The following VOPP1 variants were observed in gnomAD, a reference collection of about 807,000 sequenced individuals.
VOPP1 encodes the protein WW domain binding protein VOPP1.
VOPP1 carries 8 observed loss-of-function variants against 23.5 expected under a neutral mutation model. The ratio of observed to expected loss-of-function variants is 0.34; its 90% confidence interval spans 0.20 to 0.61. The LOEUF (loss-of-function observed/expected upper bound fraction) is 0.61, where lower values mean the gene tolerates loss of function less well. Ranked by LOEUF, VOPP1 falls within the 20% of genes least tolerant of loss-of-function variation. The pLI is 0.78. For missense variants in VOPP1, 174 were observed against 238.1 expected (o/e 0.73, Z 1.77); for synonymous variants, 83 against 97.3 (o/e 0.85, Z 0.86).
chr7:55,458,725 ATAT>A (rs1407560499), intron 4 of VOPP1, among the ~76,000 whole-genome samples: 21 of 152,086 alleles, frequency 1.4e-4, no homozygotes, highest in African/African-American at 5.1e-4. Flanking sequence ...AATACTACTA[ATAT>A]TATATTCTGA....
chr7:55,439,692 G>T (rs780386963), intron 4 of VOPP1, among the ~76,000 whole-genome samples: 1 of 152,228 alleles, frequency 6.6e-6, no homozygotes, highest in African/African-American at 2.4e-5. Context: ...AACAGACACC[G>T]GTTGGCACAG....
downstream of VOPP1, among the ~76,000 whole-genome samples, chr7:55,470,384 A>C (rs1217239108): frequency 1.3e-5 from 2 of 152,208 alleles, no homozygotes; most frequent in Non-Finnish European, 2.9e-5. Flanking sequence ...CAGTATCAAC[A>C]GTACATTACT....
At position 55,472,843 on chromosome 7, in the gene VOPP1, G is replaced by A. The variant is rs1458774747; in HGVS notation, c.*12C>T. 1.7e-5 allele frequency: 19 copies of A among 1,132,096 alleles called. No homozygotes were observed. Among genetic ancestry groups the A allele is most frequent in the East Asian group, 6.4e-5 (2 of 31,360 alleles). 70.1% of individuals were successfully genotyped at this position (1,132,096 alleles called of 1,614,324 possible). A position where few individuals can be genotyped will look rare whatever the true frequency, so the allele number is the denominator to read the frequency against. ...CCCTCTCCTGTCTCTCCTCTTGCAC[G>A]TGGGCACCCCACTACTTGGCCTTCA... On this transcript the variant is annotated 3_prime_UTR_variant, in exon 5 of 5. Coordinates refer to ENST00000285279, the MANE Select transcript of VOPP1 (RefSeq NM_030796.5).
intron 1 of VOPP1, chr7:55,552,860 C>A: frequency 7.1e-7 from 1 of 1,400,958 alleles, no homozygotes; most frequent in Non-Finnish European, 9.3e-7. Flanking sequence ...TATGGCAACA[C>A]AACAGGATTT....
At chr7:55,460,908 T>C (rs1046999832) in intron 4 of VOPP1, among the ~76,000 whole-genome samples, 2 of 152,158 alleles carry the variant, frequency 1.3e-5, no homozygotes, top group African/African-American at 4.8e-5. Context: ...ACCATATAGT[T>C]GGGTTATTTT....
chr7:55,475,201 C>T (rs1251317650), intron 4 of VOPP1, among the ~76,000 whole-genome samples: 5 of 152,156 alleles, frequency 3.3e-5, no homozygotes, highest in African/African-American at 7.2e-5. Context: ...AGAGAACTTT[C>T]GGGGAGAACA....
chr7:55,559,597 T>C (rs1219682307), intron 1 of VOPP1, among the ~76,000 whole-genome samples: 3 of 152,264 alleles, frequency 2.0e-5, no homozygotes, highest in African/African-American at 2.4e-5. Context: ...GCCTTCTCCC[T>C]ATCTGCGATT....
intron 2 of VOPP1, among the ~76,000 whole-genome samples, chr7:55,503,894 T>C (rs768541667): frequency 2.0e-5 from 3 of 152,376 alleles, no homozygotes; most frequent in South Asian, 2.1e-4. Context: ...CCTCTGGTAT[T>C]GCTGTTACAG....
At chr7:55,556,293 G>A (rs1363848667) in intron 1 of VOPP1, among the ~76,000 whole-genome samples, 1 of 152,228 alleles carries the variant, frequency 6.6e-6, no homozygotes. Flanking sequence ...CATTCCACCA[G>A]GTCTCAAGGC....
intron 1 of VOPP1, among the ~76,000 whole-genome samples, chr7:55,539,899 GCACACACACACACA>G (rs60831624): frequency 2.4e-4 from 34 of 139,326 alleles, no homozygotes; most frequent in Admixed American, 6.5e-4. Flanking sequence ...CATAAGCGCT[GCACACACACACACA>G]CACACACACA....
At chr7:55,518,773 A>G (rs937792541) in intron 2 of VOPP1, among the ~76,000 whole-genome samples, 4 of 151,818 alleles carry the variant, frequency 2.6e-5, no homozygotes, top group Admixed American at 6.6e-5. Flanking sequence ...AGGAAGATAA[A>G]GCCAGACGCT....
At chr7:55,451,135 G>C (rs770540765) in intron 4 of VOPP1, among the ~76,000 whole-genome samples, 1 of 152,136 alleles carries the variant, frequency 6.6e-6, no homozygotes, top group Non-Finnish European at 1.5e-5. Context: ...GGGGTGTCTT[G>C]ACAATCATCC....
chr7:55,515,126 C>T (rs1795319063), intron 2 of VOPP1, among the ~76,000 whole-genome samples: 2 of 152,198 alleles, frequency 1.3e-5, no homozygotes, highest in African/African-American at 2.4e-5. Flanking sequence ...CACCCAAGTC[C>T]TCTCAGGGGT....
rs376095196 is a variant in VOPP1 at position 55,542,063 on chromosome 7, AACG to A, written c.55-20936_55-20934del. Among the ~76,000 whole-genome samples the A allele has an allele frequency of 2.0e-4, 31 of 152,360 alleles. No individual in the cohort carries two copies. In the South Asian group the frequency reaches 5.6e-3, roughly 27 times the overall value. On this transcript the variant is annotated intron_variant, in intron 1 of 4. Coordinates refer to ENST00000285279, the MANE Select transcript of VOPP1 (RefSeq NM_030796.5). The stretch of plus-strand genomic sequence containing the variant: ...TAGATGGGCGAGATGATGGCATGTG[AACG>A]ACATCTCAACAAAGCTGTTTAAAAA...
chr7:55,513,290 C>T (rs1008499057), intron 2 of VOPP1, among the ~76,000 whole-genome samples: 2 of 152,192 alleles, frequency 1.3e-5, no homozygotes, highest in African/African-American at 4.8e-5. Flanking sequence ...CTGGAAATTA[C>T]AGGTACTAGG....
At chr7:55,533,643 T>C (rs10232857) in intron 1 of VOPP1, among the ~76,000 whole-genome samples, 16,028 of 152,156 alleles carry the variant, frequency 0.11, 1,000 homozygotes, top group East Asian at 0.29. Context: ...GAAGGGACTC[T>C]GCTAACTCAA....
intron 1 of VOPP1, among the ~76,000 whole-genome samples, chr7:55,525,562 G>A (rs941305820): frequency 4.6e-5 from 7 of 151,594 alleles, no homozygotes; most frequent in Non-Finnish European, 8.8e-5. Context: ...AAAATGCCTG[G>A]CCAAACTAGG....
chr7:55,571,664 G>C (rs1254563815), intron 1 of VOPP1: 2 of 152,208 alleles, frequency 1.3e-5, no homozygotes, highest in Non-Finnish European at 2.9e-5. Flanking sequence ...CTTCGGCTCC[G>C]CACCCCCACC....
chr7:55,563,923 T>C (rs1421808742), intron 1 of VOPP1, among the ~76,000 whole-genome samples: 1 of 152,164 alleles, frequency 6.6e-6, no homozygotes, highest in Non-Finnish European at 1.5e-5. Context: ...ACCTTTGAGC[T>C]AGAGAAAGCT....
Sources: gnomAD v4.1 joint callset for allele counts (sites outside exome capture counted in the v4.1 genomes callset) on GRCh38, gnomAD v4.1.1 for gene constraint, MANE v1.5 for transcripts, NCBI Gene and HGNC (gene_info 2026-07-23, HGNC 2026-07-21) for gene names.